PFDN2: variants seen among roughly 807,000 people sequenced by gnomAD.
PFDN2 encodes prefoldin 2.
PFDN2 carries 7 observed loss-of-function variants against 18.3 expected under a neutral mutation model. That is an observed-to-expected ratio of 0.38 (90% CI 0.22 to 0.72). The LOEUF (loss-of-function observed/expected upper bound fraction) is 0.72. Ranked by LOEUF, PFDN2 falls within the 30% of genes least tolerant of loss-of-function variation. The pLI, the probability that PFDN2 is intolerant of heterozygous loss-of-function variation, is 0.47. For missense variants in PFDN2, 181 were observed against 199.1 expected, an observed-to-expected ratio of 0.91 and a Z score of 0.55; for synonymous variants, 76 against 75.0, an observed-to-expected ratio of 1.01 and a Z score of -0.07.
Position 161,102,345 on chromosome 1 carries a change from C to G in PFDN2, c.106G>C (p.Glu36Gln). The change falls in exon 2 of 4, where the codon GAA becomes CAA. Residue 36 changes from glutamate (E) to glutamine (Q), a missense_variant. Coordinates refer to ENST00000368010, the MANE Select transcript of PFDN2 (RefSeq NM_012394.4). ...GCTTTGGATGCCAGGCCTCGCTGTT[C>G]CTGCCGAAGGCGGTTGAAGCCAGCA... ...VIAGFNRLRQ[E>Q]QRGLASKAAE... The G allele has an allele frequency of 6.2e-7, 1 of 1,614,174 alleles. No individual in the cohort carries two copies. The highest frequency in any genetic ancestry group is 8.5e-7 in the Non-Finnish European group (1 of 1,180,024).
At chr1:161,108,956 G>T (rs187325883) in intron 1 of PFDN2, among the ~76,000 whole-genome samples, 21 of 152,066 alleles carry the variant, frequency 1.4e-4, no homozygotes, top group Admixed American at 9.8e-4. Flanking sequence ...CTCCTGATTT[G>T]CCCCCTTTAA....
chr1:161,103,703 A>AAAAAAAAAAAAG (rs1654623604), intron 1 of PFDN2, among the ~76,000 whole-genome samples: 1 of 145,724 alleles, frequency 6.9e-6, no homozygotes. Flanking sequence ...AAAAAAAAAA[A>AAAAAAAAAAAAG]AAAAAAAAAA....
intron 1 of PFDN2, among the ~76,000 whole-genome samples, chr1:161,104,335 G>C (rs941131756): frequency 1.5e-4 from 23 of 151,740 alleles, no homozygotes; most frequent in African/African-American, 5.6e-4. Flanking sequence ...CCAAATACGA[G>C]TGTATTTGCA....
intron 1 of PFDN2, among the ~76,000 whole-genome samples, chr1:161,109,551 T>C (rs1286446057): frequency 6.6e-6 from 1 of 152,198 alleles, no homozygotes; most frequent in African/African-American, 2.4e-5. Flanking sequence ...TTCCACAGTC[T>C]CAAGAGTAAA....
chr1:161,106,203 C>T (rs1408261122), intron 1 of PFDN2, among the ~76,000 whole-genome samples: 3 of 152,152 alleles, frequency 2.0e-5, no homozygotes, highest in Non-Finnish European at 4.4e-5. Flanking sequence ...TGCCTTTCAT[C>T]ATGATTGGAA....
At position 161,109,739 on chromosome 1, in the gene PFDN2, A is replaced by T. The variant is rs577560016; in HGVS notation, c.76-7364T>A. On this transcript the variant is annotated intron_variant, in intron 1 of 3. Transcript: ENST00000368010. ...CCAGGCACGGTGGCTCACGCCTGTA[A>T]TCCCAACACTTTGGGAGGCAGAGGT... is the stretch of plus-strand genomic sequence containing the variant. 3.9e-5 allele frequency among the ~76,000 whole-genome samples: 6 copies of T among 152,324 alleles called. No homozygotes were observed. The East Asian group carries it at 1.2e-3, about 29-fold the overall frequency.
At chr1:161,102,194 G>A (rs369362509) in intron 2 of PFDN2, 23 bp from the exon 3 acceptor site, 27 of 1,613,958 alleles carry the variant, frequency 1.7e-5, no homozygotes, top group Non-Finnish European at 2.3e-5. Flanking sequence ...AACAAGGCAG[G>A]ACCTGAGGAT....
chr1:161,103,683 C>CAAAAAAAAAAAAAAAA (rs553472563), intron 1 of PFDN2, among the ~76,000 whole-genome samples: 11 of 74,912 alleles, frequency 1.5e-4, no homozygotes, highest in South Asian at 5.7e-4. Context: ...GACTCCGTCT[C>CAAAAAAAAAAAAAAAA]AAAAAAAAAA....
intron 1 of PFDN2, among the ~76,000 whole-genome samples, chr1:161,108,350 C>G (rs1654728984): frequency 1.3e-5 from 2 of 150,682 alleles, no homozygotes. Flanking sequence ...CCCAGCTACT[C>G]AGAAGGCTGA....
chr1:161,105,912 A>C (rs954543101), intron 1 of PFDN2, among the ~76,000 whole-genome samples: 3 of 152,222 alleles, frequency 2.0e-5, no homozygotes, highest in Non-Finnish European at 2.9e-5. Flanking sequence ...TTCAGCCATA[A>C]GTGCACTTAA....
rs1655009791 is a variant in PFDN2 at position 161,117,857 on chromosome 1, G to A, written c.75+95C>T. On this transcript the variant is annotated intron_variant, in intron 1 of 3. Transcript: ENST00000368010. ...TCTCTAGGTGCCACGCACATGTGGT[G>A]CTGGAGTAAAGGCCTGCACAAGCCA... 33 of 1,105,760 alleles carry A rather than the reference G, an allele frequency of 3.0e-5. No homozygotes were observed. In the South Asian group the frequency reaches 4.7e-4, roughly 16 times the overall value. The allele number at this position is 1,105,760 out of a possible 1,614,324, so 68.5% of individuals were successfully genotyped here.
chr1:161,109,596 C>T (rs1009881659), intron 1 of PFDN2, among the ~76,000 whole-genome samples: 1 of 152,136 alleles, frequency 6.6e-6, no homozygotes, highest in African/African-American at 2.4e-5. Context: ...CTGTGCTAGA[C>T]TATCTCATTT....
intron 1 of PFDN2, 73 bp downstream of exon 1, chr1:161,117,879 G>A: frequency 1.5e-6 from 2 of 1,337,010 alleles, no homozygotes; most frequent in East Asian, 2.3e-5. Flanking sequence ...GCCTGCACAA[G>A]CCACAGGCTC....
At chr1:161,103,716 A>G (rs1654624599) in intron 1 of PFDN2, among the ~76,000 whole-genome samples, 1 of 133,072 alleles carries the variant, frequency 7.5e-6, no homozygotes, top group East Asian at 2.2e-4. Context: ...AAAAAAAAAG[A>G]AAGTTGGTCA....
At chr1:161,108,037 C>G (rs1654721197) in intron 1 of PFDN2, among the ~76,000 whole-genome samples, 2 of 151,310 alleles carry the variant, frequency 1.3e-5, no homozygotes, top group Non-Finnish European at 1.5e-5. Flanking sequence ...ATCGCTTGAA[C>G]CCAGGAGGCA....
chr1:161,106,357 T>A (rs1654676928), intron 1 of PFDN2, among the ~76,000 whole-genome samples: 1 of 152,174 alleles, frequency 6.6e-6, no homozygotes, highest in African/African-American at 2.4e-5. Flanking sequence ...AGCAGCTAAC[T>A]GCAACTTAAC....
At chr1:161,114,661 T>G (rs1048777228) in intron 1 of PFDN2, among the ~76,000 whole-genome samples, 1 of 152,162 alleles carries the variant, frequency 6.6e-6, no homozygotes, top group African/African-American at 2.4e-5. Flanking sequence ...AGTGATGAGG[T>G]AGGTATTGTT....
chr1:161,110,281 C>A (rs1654777987), intron 1 of PFDN2, among the ~76,000 whole-genome samples: 1 of 148,042 alleles, frequency 6.8e-6, no homozygotes, highest in African/African-American at 2.5e-5. Flanking sequence ...GAATTGCTTG[C>A]ACCTGGGAGG....
chr1:161,101,782 CTCACTCTG>C (rs1654567920), intron 3 of PFDN2, among the ~76,000 whole-genome samples: 2 of 151,410 alleles, frequency 1.3e-5, no homozygotes, highest in African/African-American at 4.8e-5. Context: ...GAGACAGGGT[CTCACTCTG>C]TCACCCAGGC....
Sources: allele counts gnomAD v4.1 joint callset (sites outside exome capture counted in the v4.1 genomes callset), GRCh38; gene constraint gnomAD v4.1.1; transcripts MANE v1.5; gene names NCBI Gene and HGNC (gene_info 2026-07-23, HGNC 2026-07-21).